Variants in VAT1L observed in about 807,000 individuals in gnomAD.
The protein encoded by VAT1L is putative NADPH-dependent quinone oxidoreductase VAT1L.
Under a neutral mutation model 44.1 loss-of-function variants are expected in VAT1L, and 34 were observed. The ratio of observed to expected loss-of-function variants is 0.77; its 90% CI spans 0.59 to 1.03. VAT1L has a LOEUF of 1.03. VAT1L is among the 50% of genes least tolerant of loss of function. VAT1L has a pLI of 0.00. For missense variants in VAT1L, 615 were observed against 538.8 expected (o/e 1.14, Z -1.40); for synonymous variants, 253 against 202.2 (o/e 1.25, Z -2.13).
intron 7 of VAT1L, among the ~76,000 whole-genome samples, chr16:77,931,379 T>G (rs561477892): frequency 6.6e-6 from 1 of 152,224 alleles, no homozygotes; most frequent in East Asian, 1.9e-4. Flanking sequence ...ATTTTACCTC[T>G]GGGAAACAAA....
intron 3 of VAT1L, 125 bp from the exon 4 acceptor site, chr16:77,862,623 T>TA (rs34096024): frequency 0.11 from 41,930 of 393,280 alleles, 1,001 homozygotes; most frequent in African/African-American, 0.2. Flanking sequence ...ACTCCATCTC[T>TA]AAAAAAAAAA....
chr16:77,836,992 C>T (rs1022712490), intron 3 of VAT1L, among the ~76,000 whole-genome samples: 2 of 152,138 alleles, frequency 1.3e-5, no homozygotes, highest in African/African-American at 2.4e-5. Context: ...GAAACTGAGA[C>T]ACAGAGAGGT....
intron 3 of VAT1L, 77 bp downstream of exon 3, chr16:77,825,538 T>C (rs1173747317): frequency 6.9e-6 from 10 of 1,455,470 alleles, no homozygotes; most frequent in Admixed American, 5.9e-5. Context: ...TGAGGTCTTA[T>C]GTGAGCTATG....
chr16:77,955,729 C>CAAAA lies in VAT1L; in HGVS notation c.1078-16111_1078-16108dup, dbSNP rs61334608. On this transcript the variant is annotated intron_variant, in intron 7 of 8. Coordinates refer to ENST00000302536, the MANE Select transcript of VAT1L (RefSeq NM_020927.3). Reference sequence around the variant, plus strand: ...GACAGAGGCTCCATATCCCCCCCCCCAAAAAAAAAAAAAGAGAGAGAATGG... The same window carrying CAAAA: ...GACAGAGGCTCCATATCCCCCCCCCCAAAAAAAAAAAAAAAAAGAGAGAGAATGG... 3.8e-3 allele frequency among the ~76,000 whole-genome samples: 526 copies of CAAAA among 137,834 alleles called. 11 individuals are homozygous for CAAAA. Among genetic ancestry groups the CAAAA allele is most frequent in the African/African-American group, 0.011 (396 of 35,132 alleles). The allele number at this position is 137,834 out of a possible 152,430, so 90.4% of individuals were successfully genotyped here.
At chr16:77,820,072 C>T (rs185702601) in intron 2 of VAT1L, among the ~76,000 whole-genome samples, 22 of 152,284 alleles carry the variant, frequency 1.4e-4, no homozygotes, top group Admixed American at 1.0e-3. Flanking sequence ...CTCTGTTATG[C>T]ACCCTTATAT....
intron 7 of VAT1L, among the ~76,000 whole-genome samples, chr16:77,900,047 A>G (rs1325829694): frequency 6.6e-6 from 1 of 152,222 alleles, no homozygotes; most frequent in Non-Finnish European, 1.5e-5. Context: ...CAAAGAGGCT[A>G]TACCTGACTC....
chr16:77,969,274 C>A lies in VAT1L; in HGVS notation c.1078-2576C>A, dbSNP rs148983414. On this transcript the variant is annotated intron_variant, in intron 7 of 8. Transcript: ENST00000302536. The stretch of plus-strand genomic sequence containing the variant: ...ATCTAGAGGCTAGGAATACCTAACT[C>A]TCTGGGGATGCAGCCCAGCAAGTCC... Among the ~76,000 whole-genome samples the A allele has an allele frequency of 9.4e-3, 1,427 of 152,300 alleles. 16 individuals are homozygous for A. Among genetic ancestry groups the A allele is most frequent in the South Asian group, 0.022 (104 of 4,824 alleles).
At chr16:77,949,864 A>G (rs2018019237) in intron 7 of VAT1L, among the ~76,000 whole-genome samples, 1 of 152,236 alleles carries the variant, frequency 6.6e-6, no homozygotes, top group South Asian at 2.1e-4. Context: ...TGACATGGCA[A>G]TGCTTGTCCT....
chr16:77,807,263 C>T (rs1325815305), intron 1 of VAT1L, among the ~76,000 whole-genome samples: 1 of 152,110 alleles, frequency 6.6e-6, no homozygotes, highest in Non-Finnish European at 1.5e-5. Context: ...TCTCAGTGCT[C>T]ACTCCCCCAG....
intron 1 of VAT1L, among the ~76,000 whole-genome samples, chr16:77,815,890 C>G (rs1199286749): frequency 6.6e-6 from 1 of 151,482 alleles, no homozygotes; most frequent in Non-Finnish European, 1.5e-5. Flanking sequence ...ATCGCTTGAA[C>G]CCGGGAGGTG....
At chr16:77,903,905 T>G (rs1053834151) in intron 7 of VAT1L, among the ~76,000 whole-genome samples, 2 of 151,820 alleles carry the variant, frequency 1.3e-5, no homozygotes, top group African/African-American at 4.8e-5. Flanking sequence ...CCCAGCTAAT[T>G]TTTTGTATTT....
At chr16:77,800,427 G>A (rs1342946023) in intron 1 of VAT1L, 4 of 152,140 alleles carry the variant, frequency 2.6e-5, no homozygotes, top group East Asian at 1.9e-4. Flanking sequence ...CAACATGGAT[G>A]TTAAAATCAT....
At chr16:77,795,976 C>T (rs937465124) in intron 1 of VAT1L, among the ~76,000 whole-genome samples, 1 of 151,952 alleles carries the variant, frequency 6.6e-6, no homozygotes. Flanking sequence ...CAGGTGCCTG[C>T]CACCAAGCCC....
intron 6 of VAT1L, among the ~76,000 whole-genome samples, chr16:77,881,406 A>G (rs1175281901): frequency 6.6e-6 from 1 of 152,246 alleles, no homozygotes; most frequent in Non-Finnish European, 1.5e-5. Context: ...AGATATGTTA[A>G]TTAACATGAT....
At chr16:77,845,831 A>G (rs2016753254) in intron 3 of VAT1L, among the ~76,000 whole-genome samples, 1 of 152,138 alleles carries the variant, frequency 6.6e-6, no homozygotes, top group Non-Finnish European at 1.5e-5. Context: ...TATGCCCTCT[A>G]CATTATCTTT....
chr16:77,809,083 G>C (rs1428369137), intron 1 of VAT1L, among the ~76,000 whole-genome samples: 1 of 152,230 alleles, frequency 6.6e-6, no homozygotes, highest in Non-Finnish European at 1.5e-5. Flanking sequence ...AAGTACATTA[G>C]TCAAGAGCAC....
At chr16:77,876,058 T>C (rs2017084047) in intron 4 of VAT1L, among the ~76,000 whole-genome samples, 1 of 152,188 alleles carries the variant, frequency 6.6e-6, no homozygotes, top group African/African-American at 2.4e-5. Context: ...AAGCTGAAGC[T>C]AGAGAATTTG....
Position 77,923,476 on chromosome 16 carries a change from C to T in VAT1L, c.1077+38674C>T, listed in dbSNP as rs541768762. Among the ~76,000 whole-genome samples the T allele has an allele frequency of 4.6e-5, 7 of 152,236 alleles. No homozygotes were observed. In the East Asian group the frequency reaches 1.4e-3, roughly 30 times the overall value. On this transcript the variant is annotated intron_variant, in intron 7 of 8. Transcript: ENST00000302536. Reference sequence around the variant, plus strand: ...GATGAATGAATGAATGGAATAAACTCAGGGGCCCAGAATCAGGTCTTAAAA... The same window carrying T: ...GATGAATGAATGAATGGAATAAACTTAGGGGCCCAGAATCAGGTCTTAAAA...
intron 7 of VAT1L, among the ~76,000 whole-genome samples, chr16:77,955,657 G>A (rs1420467396): frequency 6.6e-6 from 1 of 151,688 alleles, no homozygotes; most frequent in East Asian, 1.9e-4. Flanking sequence ...CCTGGGAAGT[G>A]GAGGTTGCAG....
Sources: gnomAD v4.1 joint callset for allele counts (sites outside exome capture counted in the v4.1 genomes callset) on GRCh38, gnomAD v4.1.1 for gene constraint, MANE v1.5 for transcripts, NCBI Gene and HGNC (gene_info 2026-07-23, HGNC 2026-07-21) for gene names.